Variants in CTDSPL2 observed in about 807,000 individuals in gnomAD.
The protein encoded by CTDSPL2 is CTD small phosphatase-like protein 2.
Under a neutral mutation model 60.0 loss-of-function variants are expected in CTDSPL2, and 5 were observed. That is an observed-to-expected ratio of 0.08 (90% CI 0.04 to 0.18). The LOEUF (loss-of-function observed/expected upper bound fraction) is 0.18, where lower values mean the gene tolerates loss of function less well. Ranked by LOEUF, CTDSPL2 falls within the 10% of genes least tolerant of loss-of-function variation. The pLI is 1.00. For synonymous variants in CTDSPL2, 186 were observed against 189.3 expected, an observed-to-expected ratio of 0.98 and a Z score of 0.14; for missense variants, 370 against 548.8, an observed-to-expected ratio of 0.67 and a Z score of 3.26.
intron 1 of CTDSPL2, among the ~76,000 whole-genome samples, chr15:44,437,110 G>A (rs2079994609): frequency 6.6e-6 from 1 of 151,998 alleles, no homozygotes; most frequent in Non-Finnish European, 1.5e-5. Flanking sequence ...ATTAAGTCGG[G>A]GTGGAATTTT....
chr15:44,439,071 A>G (rs2080030474), intron 1 of CTDSPL2, among the ~76,000 whole-genome samples: 1 of 151,918 alleles, frequency 6.6e-6, no homozygotes, highest in East Asian at 1.9e-4. Context: ...AAATTGTATC[A>G]TTTTCATTCA....
intron 1 of CTDSPL2, among the ~76,000 whole-genome samples, chr15:44,447,053 T>C (rs1025982809): frequency 1.3e-4 from 20 of 152,218 alleles, no homozygotes; most frequent in Non-Finnish European, 2.9e-4. Context: ...GTTATAAATA[T>C]ATTATTTTCA....
intron 1 of CTDSPL2, among the ~76,000 whole-genome samples, chr15:44,457,666 C>CTA (rs993559879): frequency 2.0e-5 from 3 of 152,144 alleles, no homozygotes; most frequent in African/African-American, 7.2e-5. Context: ...AGCTGGAGTG[C>CTA]TATAGTGTGA....
At chr15:44,484,930 A>C (rs1488647079) in intron 3 of CTDSPL2, among the ~76,000 whole-genome samples, 1 of 152,184 alleles carries the variant, frequency 6.6e-6, no homozygotes. Context: ...TGAACATCTA[A>C]ATAAACTCAT....
chr15:44,523,829 G>A (rs1288004966), intron 12 of CTDSPL2, among the ~76,000 whole-genome samples: 3 of 152,096 alleles, frequency 2.0e-5, no homozygotes, highest in Admixed American at 1.3e-4. Flanking sequence ...AACCCAGGAG[G>A]CAGAAGTTGC....
rs139335145 is a variant in CTDSPL2, at chr15:44,443,977, G to A, written c.-24-15014G>A. Among the ~76,000 whole-genome samples, 96 of 151,388 alleles carry A rather than the reference G, an allele frequency of 6.3e-4. 1 individual carries two copies. The East Asian group carries it at 8.5e-3, about 13-fold the overall frequency. On this transcript the variant is annotated intron_variant, in intron 1 of 12. Transcript: ENST00000260327. ...GAGTGTAGTGGTGCACTTGTAGCTC[G>A]CTGCACTCTTGAACTCCTGAGTTCA...
At position 44,497,903 on chromosome 15, in the gene CTDSPL2, A is replaced by T. The variant is rs2081328009; in HGVS notation, c.882+765A>T. On this transcript the variant is annotated intron_variant, in intron 7 of 12. Coordinates refer to ENST00000260327, the MANE Select transcript of CTDSPL2 (RefSeq NM_016396.3). ...TCTCAGCTACTCTGGAGGCTGAGGC[A>T]CAAGAATCACTAGAACCCAGGAGAC... Among the ~76,000 whole-genome samples, 3 of 152,118 alleles carry T rather than the reference A, an allele frequency of 2.0e-5. No individual in the cohort carries two copies. The South Asian group carries it at 6.2e-4, about 32-fold the overall frequency.
At chr15:44,444,153 T>A (rs1235239330) in intron 1 of CTDSPL2, among the ~76,000 whole-genome samples, 1 of 151,972 alleles carries the variant, frequency 6.6e-6, no homozygotes, top group African/African-American at 2.4e-5. Context: ...GCCTCCCAAG[T>A]AGGTGGGATT....
chr15:44,459,344 G>A (rs1257213245), intron 2 of CTDSPL2, 144 bp downstream of exon 2: 4 of 478,422 alleles, frequency 8.4e-6, no homozygotes, highest in Admixed American at 8.1e-5. Context: ...TGGCTAACAC[G>A]GTGAAACCCC....
intron 8 of CTDSPL2, among the ~76,000 whole-genome samples, chr15:44,513,706 A>G (rs1458389141): frequency 6.6e-6 from 1 of 152,190 alleles, no homozygotes; most frequent in Non-Finnish European, 1.5e-5. Context: ...TATTCGTGGT[A>G]TTTGAAATTA....
chr15:44,464,153 G>A (rs2080635626), intron 2 of CTDSPL2, among the ~76,000 whole-genome samples: 1 of 152,094 alleles, frequency 6.6e-6, no homozygotes, highest in African/African-American at 2.4e-5. Context: ...GGGACTACAG[G>A]CATGTACCAC....
At position 44,442,916 on chromosome 15, in the gene CTDSPL2, C is replaced by G. The variant is rs576166876; in HGVS notation, c.-25+15144C>G. Among the ~76,000 whole-genome samples the G allele has an allele frequency of 7.9e-5, 12 of 151,264 alleles. No homozygotes were observed. The South Asian group carries it at 2.5e-3, about 32-fold the overall frequency. On this transcript the variant is annotated intron_variant, in intron 1 of 12. Transcript: ENST00000260327. ...GCTTGAGCCTGGGACGTTGAGGCTGCAAGTAAGTGGTGAACCTGCCGCTGC... is the reference window on the plus strand; with the variant it reads ...GCTTGAGCCTGGGACGTTGAGGCTGGAAGTAAGTGGTGAACCTGCCGCTGC...
At chr15:44,476,117 G>A (rs2080910813) in intron 2 of CTDSPL2, among the ~76,000 whole-genome samples, 1 of 152,088 alleles carries the variant, frequency 6.6e-6, no homozygotes. Context: ...CGCCCAGGCT[G>A]GAGTGCAGTG....
chr15:44,519,934 C>T (rs1033936815), intron 11 of CTDSPL2: 1 of 152,118 alleles, frequency 6.6e-6, no homozygotes, highest in Non-Finnish European at 1.5e-5. Flanking sequence ...GCCACCACGC[C>T]TGGCTAATTT....
At chr15:44,502,336 G>GT (rs1267390320) in intron 8 of CTDSPL2, among the ~76,000 whole-genome samples, 1 of 151,074 alleles carries the variant, frequency 6.6e-6, no homozygotes, top group Non-Finnish European at 1.5e-5. Context: ...CTTATTTTAC[G>GT]TTTTTTTTCT....
intron 1 of CTDSPL2, among the ~76,000 whole-genome samples, chr15:44,434,659 G>C (rs1472482037): frequency 1.3e-5 from 2 of 152,106 alleles, no homozygotes; most frequent in Admixed American, 6.5e-5. Context: ...GCCTTCCAAA[G>C]TGCTGAGATT....
chr15:44,491,462 C>A (rs532137280), intron 5 of CTDSPL2, among the ~76,000 whole-genome samples: 2 of 152,110 alleles, frequency 1.3e-5, no homozygotes, highest in Non-Finnish European at 1.5e-5. Flanking sequence ...TGACTTGGAA[C>A]CTTATAAAGG....
At chr15:44,515,166 T>C (rs527388889) in intron 10 of CTDSPL2, among the ~76,000 whole-genome samples, 3 of 152,210 alleles carry the variant, frequency 2.0e-5, no homozygotes, top group Non-Finnish European at 4.4e-5. Context: ...CATCTCCATA[T>C]GTCTCTGAGG....
Position 44,438,981 on chromosome 15 carries a change from T to C in CTDSPL2, c.-25+11209T>C, listed in dbSNP as rs943759898. On this transcript the variant is annotated intron_variant, in intron 1 of 12. Coordinates refer to ENST00000260327, the MANE Select transcript of CTDSPL2 (RefSeq NM_016396.3). ...GAACAAGTAGGGCTGTTTTACATTA[T>C]ATACTTTTTTCTTCCAATGTCATGA... Among the ~76,000 whole-genome samples, 4 of 152,162 alleles carry C rather than the reference T, an allele frequency of 2.6e-5. No individual in the cohort carries two copies. In the East Asian group the frequency reaches 7.7e-4, roughly 29 times the overall value.
Sources: allele counts gnomAD v4.1 joint callset (sites outside exome capture counted in the v4.1 genomes callset), GRCh38; gene constraint gnomAD v4.1.1; transcripts MANE v1.5; gene names NCBI Gene and HGNC (gene_info 2026-07-23, HGNC 2026-07-21).